Variants in ITFG2 observed in about 807,000 individuals in gnomAD.
ITFG2 encodes the protein KICSTOR complex protein ITFG2.
A neutral mutation model predicts 54.4 loss-of-function variants in ITFG2; 36 were observed. The observed-to-expected ratio is 0.66, with a 90% CI of 0.51 to 0.87. The LOEUF (loss-of-function observed/expected upper bound fraction) is 0.87. Among genes scored for constraint, ITFG2 ranks in the 40% least tolerant of loss-of-function variants. The pLI, the probability that ITFG2 is intolerant of heterozygous loss-of-function variation, is 0.00. For synonymous variants in ITFG2, 211 were observed against 225.4 expected, an observed-to-expected ratio of 0.94 and a Z score of 0.57; for missense variants, 524 against 576.7, an observed-to-expected ratio of 0.91 and a Z score of 0.94.
chr12:2,814,719 C>T (rs2097917517), intron 1 of ITFG2, among the ~76,000 whole-genome samples: 1 of 152,068 alleles, frequency 6.6e-6, no homozygotes. Flanking sequence ...GTAGTCCCGG[C>T]TACTCAGGAG....
At chr12:2,821,177 G>A (rs1385979365) in intron 6 of ITFG2, 85 bp from the exon 7 acceptor site, 3 of 1,060,306 alleles carry the variant, frequency 2.8e-6, no homozygotes, top group East Asian at 2.6e-5. Flanking sequence ...AATCCCAGAA[G>A]CTCTTGCAGG....
At chr12:2,856,889 A>T (rs934693717) in intron 2 of ITFG2, 22 of 701,952 alleles carry the variant, frequency 3.1e-5, no homozygotes, top group Admixed American at 4.0e-5. Context: ...CTGGCCCACT[A>T]TAAGGGACAG....
intron 2 of ITFG2, chr12:2,817,641 G>T (rs1349998600): frequency 1.9e-6 from 1 of 524,724 alleles, no homozygotes; most frequent in Non-Finnish European, 3.4e-6. Flanking sequence ...CTAGAAATGT[G>T]ATAGCCTAGC....
At chr12:2,825,160 T>C (rs1395672271), downstream of ITFG2, 1 of 152,240 alleles carries the variant, frequency 6.6e-6, no homozygotes, top group Non-Finnish European at 1.5e-5. Flanking sequence ...GTATTCCTGC[T>C]GTGGTAAGCT....
intron 4 of ITFG2, 137 bp downstream of exon 4, chr12:2,818,414 C>G: frequency 6.7e-7 from 1 of 1,496,716 alleles, no homozygotes; most frequent in Non-Finnish European, 9.0e-7. Context: ...CCATGATAAG[C>G]CAGGCATCAC....
chr12:2,830,749 T>C (rs755400142), intron 2 of ITFG2: 7 of 1,613,694 alleles, frequency 4.3e-6, no homozygotes, highest in Non-Finnish European at 5.9e-6. Context: ...GTCCTGCTGG[T>C]CTTCCTCCTG....
chr12:2,830,800 C>T (rs1603484272), intron 2 of ITFG2: 1 of 1,613,616 alleles, frequency 6.2e-7, no homozygotes, highest in African/African-American at 1.3e-5. Context: ...CGGGGAGGCT[C>T]CCCCTGAAGC....
intron 1 of ITFG2, among the ~76,000 whole-genome samples, chr12:2,839,346 G>A (rs920508630): frequency 6.6e-6 from 1 of 152,182 alleles, no homozygotes; most frequent in Admixed American, 6.5e-5. Context: ...CTCTAATAAT[G>A]AGACAGAGGG....
chr12:2,855,291 C>T (rs2098083853), intron 2 of ITFG2: 1 of 1,524,034 alleles, frequency 6.6e-7, no homozygotes, highest in Non-Finnish European at 8.8e-7. Flanking sequence ...GCTGACGCAC[C>T]TTGGACTTCA....
chr12:2,823,633 G>A, intron 10 of ITFG2, 137 bp from the exon 11 acceptor site: 2 of 1,098,592 alleles, frequency 1.8e-6, no homozygotes, highest in East Asian at 2.4e-5. Context: ...CAACAGAGAA[G>A]AAATAACCTT....
In ITFG2 at chr12:2,820,931, A is replaced by G. The variant is rs2153924559; in HGVS notation, c.695+59A>G. 3 of 1,568,828 alleles carry G rather than the reference A, an allele frequency of 1.9e-6. No individual in the cohort carries two copies. In the South Asian group the frequency reaches 3.4e-5, roughly 18 times the overall value. On this transcript the variant is annotated intron_variant, in intron 6 of 11. Transcript: ENST00000228799. ...GTGCATGGAAGCAGGATGGGCTCCC[A>G]GATGCCACATGGTAGTAAAATGGGT...
chr12:2,842,412 C>T (rs893430935), intron 2 of ITFG2, among the ~76,000 whole-genome samples: 1 of 151,694 alleles, frequency 6.6e-6, no homozygotes. Context: ...TGAGCCACCA[C>T]GCCCAGCCTT....
intron 4 of ITFG2, among the ~76,000 whole-genome samples, chr12:2,819,020 A>G (rs969174585): frequency 1.3e-5 from 2 of 152,008 alleles, no homozygotes; most frequent in Non-Finnish European, 2.9e-5. Flanking sequence ...TCCAAAAAAA[A>G]AAAGAAAATA....
chr12:2,858,735 C>T, intron 3 of ITFG2: 1 of 1,614,204 alleles, frequency 6.2e-7, no homozygotes, highest in Non-Finnish European at 8.5e-7. Flanking sequence ...CAGGATCTTG[C>T]TGAGGCTGTC....
At chr12:2,833,838 C>G (rs2098015149), upstream of ITFG2, among the ~76,000 whole-genome samples, 1 of 152,178 alleles carries the variant, frequency 6.6e-6, no homozygotes, top group Non-Finnish European at 1.5e-5. Flanking sequence ...TGATTTGATT[C>G]TCATTTAACA....
downstream of ITFG2, chr12:2,827,841 C>T (rs1343413873): frequency 2.6e-5 from 42 of 1,607,440 alleles, no homozygotes; most frequent in Non-Finnish European, 3.6e-5. This position sits in a 1 kb window ranked among gnomAD's most constrained non-coding sequence, Gnocchi z 4.0. Context: ...CCTCGTGCTG[C>T]AGGGAGTGAA....
At chr12:2,833,484 A>C (rs1276632749), upstream of ITFG2, among the ~76,000 whole-genome samples, 1 of 151,976 alleles carries the variant, frequency 6.6e-6, no homozygotes, top group East Asian at 1.9e-4. Context: ...GGAAAGGTGG[A>C]GCTAAGTAGG....
Position 2,824,503 on chromosome 12 carries a change from G to C in ITFG2, c.*310G>C. On this transcript the variant is annotated 3_prime_UTR_variant, in exon 12 of 12. Transcript: ENST00000228799. ...ATGACCCACTCCCCACTGTCACTGTGTTGAAAACAGAGACTTGTTTGTGTG... is the reference window on the plus strand; with the variant it reads ...ATGACCCACTCCCCACTGTCACTGTCTTGAAAACAGAGACTTGTTTGTGTG... The C allele has an allele frequency of 2.5e-6, 1 of 392,642 alleles. No homozygotes were observed. The highest frequency in any genetic ancestry group is 4.8e-6 in the Non-Finnish European group (1 of 206,338). The allele number at this position is 392,642 out of a possible 1,614,324, so 24.3% of individuals were successfully genotyped here. A position where few individuals can be genotyped will look rare whatever the true frequency, so the allele number is the denominator to read the frequency against.
intron 11 of ITFG2, 43 bp from the exon 12 acceptor site, chr12:2,824,047 C>T (rs112777187): frequency 3.1e-6 from 5 of 1,613,944 alleles, no homozygotes; most frequent in African/African-American, 1.3e-5. Context: ...CCCGGGTGCC[C>T]AGGAGACCCA....
Sources: allele counts gnomAD v4.1 joint callset (sites outside exome capture counted in the v4.1 genomes callset), GRCh38; gene constraint gnomAD v4.1.1; non-coding constraint Gnocchi (gnomAD v3.1); transcripts MANE v1.5; gene names NCBI Gene and HGNC (gene_info 2026-07-23, HGNC 2026-07-21).